CDC42SE2: variants seen among roughly 807,000 people sequenced by gnomAD.
CDC42SE2 encodes the protein CDC42 small effector 2.
CDC42SE2 carries 3 observed loss-of-function variants against 11.5 expected under a neutral mutation model. That is an observed-to-expected ratio of 0.26 (90% CI 0.12 to 0.67). The LOEUF is 0.67. Among genes scored for constraint, CDC42SE2 ranks in the 30% least tolerant of loss-of-function variants. The pLI is 0.80. For synonymous variants in CDC42SE2, 33 were observed against 34.8 expected (o/e 0.95, Z 0.18); for missense variants, 82 against 106.8 (o/e 0.77, Z 1.02).
chr5:131,215,957 A>G, the CDC42SE2 span, among the ~76,000 whole-genome samples: 1 of 152,236 alleles, frequency 6.6e-6, no homozygotes, highest in Admixed American at 6.5e-5. Flanking sequence ...TAAATGAGGG[A>G]AGCTGAAGTA....
intron 2 of CDC42SE2, among the ~76,000 whole-genome samples, chr5:131,344,993 C>A (rs907366634): frequency 1.3e-5 from 2 of 152,212 alleles, no homozygotes; most frequent in African/African-American, 4.8e-5. Context: ...AAAACCCCAT[C>A]TGTACGTCAC....
intron 2 of CDC42SE2, among the ~76,000 whole-genome samples, chr5:131,342,386 G>GTTTTTTTTTTTTTTTTT (rs1304028910): frequency 8.7e-6 from 1 of 114,850 alleles, no homozygotes; most frequent in African/African-American, 5.8e-5. Context: ...ATTTTTAATA[G>GTTTTTTTTTTTTTTTTT]TCTTTTTTTT....
chr5:131,279,859 G>C (rs1251864125), intron 1 of CDC42SE2, among the ~76,000 whole-genome samples: 4 of 152,178 alleles, frequency 2.6e-5, no homozygotes, highest in Non-Finnish European at 5.9e-5. Flanking sequence ...GATTGCTTGA[G>C]TACAGGAGTT....
upstream of CDC42SE2, among the ~76,000 whole-genome samples, chr5:131,242,212 T>C (rs1356213222): frequency 6.6e-6 from 1 of 152,208 alleles, no homozygotes; most frequent in East Asian, 1.9e-4. Flanking sequence ...GTAGTTGTCC[T>C]TTACCAAACC....
chr5:131,272,481 A>G (rs191925180), intron 1 of CDC42SE2, among the ~76,000 whole-genome samples: 1 of 152,094 alleles, frequency 6.6e-6, no homozygotes, highest in Non-Finnish European at 1.5e-5. Context: ...TAAAACTTTT[A>G]TACGTCTCCT....
At chr5:131,338,811 C>T (rs1224624455) in intron 2 of CDC42SE2, among the ~76,000 whole-genome samples, 1 of 152,154 alleles carries the variant, frequency 6.6e-6, no homozygotes, top group Non-Finnish European at 1.5e-5. Flanking sequence ...TATGTACCTA[C>T]ATACCAGTGT....
intron 3 of CDC42SE2, among the ~76,000 whole-genome samples, chr5:131,369,972 C>T (rs1749971060): frequency 6.6e-6 from 1 of 152,154 alleles, no homozygotes. Context: ...TCTAGTAACT[C>T]TTACAGAAAC....
intron 3 of CDC42SE2, among the ~76,000 whole-genome samples, chr5:131,362,965 G>C (rs1302490636): frequency 6.6e-6 from 1 of 151,952 alleles, no homozygotes; most frequent in East Asian, 1.9e-4. Flanking sequence ...TGAGCAACAT[G>C]GTGAAACCCT....
chr5:131,228,901 G>A, the CDC42SE2 span, among the ~76,000 whole-genome samples: 1 of 152,190 alleles, frequency 6.6e-6, no homozygotes, highest in African/African-American at 2.4e-5. Flanking sequence ...AACTAAATTG[G>A]CTAGAATCTT....
At chr5:131,257,054 A>T (rs1756684468) in intron 2 of CDC42SE2, among the ~76,000 whole-genome samples, 1 of 152,126 alleles carries the variant, frequency 6.6e-6, no homozygotes, top group African/African-American at 2.4e-5. Context: ...CATGTACACC[A>T]ACACAGTGAC....
chr5:131,323,211 A>G (rs1362582550), intron 2 of CDC42SE2, among the ~76,000 whole-genome samples: 1 of 149,904 alleles, frequency 6.7e-6, no homozygotes, highest in Admixed American at 6.7e-5. Context: ...TTTTTAGTAG[A>G]GACAGTGTCT....
chr5:131,247,156 T>C (rs913162726), intron 1 of CDC42SE2, among the ~76,000 whole-genome samples: 1 of 152,170 alleles, frequency 6.6e-6, no homozygotes, highest in African/African-American at 2.4e-5. Flanking sequence ...TTGAGACAAA[T>C]AGTATTTAGT....
rs536245796 is a variant in CDC42SE2, at chr5:131,384,114, C to A, written c.55-1429C>A. Among the ~76,000 whole-genome samples the A allele has an allele frequency of 5.3e-5, 8 of 152,262 alleles. No individual in the cohort carries two copies. The East Asian group carries it at 1.5e-3, about 29-fold the overall frequency. ...CCACGCAGAATTACTGGAAGGAAAA[C>A]CCAACAAACTTGGAGATGGTCTAAT... On this transcript the variant is annotated intron_variant, in intron 3 of 4. Coordinates refer to ENST00000505065, the MANE Select transcript of CDC42SE2 (RefSeq NM_001375635.1).
At chr5:131,326,030 G>A (rs763513684) in intron 2 of CDC42SE2, among the ~76,000 whole-genome samples, 3 of 151,974 alleles carry the variant, frequency 2.0e-5, no homozygotes, top group South Asian at 2.1e-4. Context: ...TACTGTTAAC[G>A]TCTGAGTATT....
the CDC42SE2 span, among the ~76,000 whole-genome samples, chr5:131,232,856 A>G: frequency 1.3e-5 from 2 of 151,150 alleles, no homozygotes; most frequent in Admixed American, 1.3e-4. Flanking sequence ...CCTAATTCCC[A>G]TCATCTTCCA....
At chr5:131,296,715 G>A (rs754005013) in intron 1 of CDC42SE2, among the ~76,000 whole-genome samples, 1 of 152,152 alleles carries the variant, frequency 6.6e-6, no homozygotes, top group Non-Finnish European at 1.5e-5. Flanking sequence ...TACTGGGGGG[G>A]TTAGGATTTC....
chr5:131,277,455 T>A (rs1757127146), intron 1 of CDC42SE2, among the ~76,000 whole-genome samples: 1 of 152,240 alleles, frequency 6.6e-6, no homozygotes. Flanking sequence ...ATTTATTCCA[T>A]TCAGTACATT....
intron 1 of CDC42SE2, among the ~76,000 whole-genome samples, chr5:131,283,759 C>T (rs1757288259): frequency 6.6e-6 from 1 of 152,142 alleles, no homozygotes; most frequent in Admixed American, 6.5e-5. Flanking sequence ...TGCCAAAGTG[C>T]TGGGATTACA....
chr5:131,381,089 T>G (rs1410213365), intron 3 of CDC42SE2, among the ~76,000 whole-genome samples: 2 of 152,210 alleles, frequency 1.3e-5, no homozygotes, highest in Non-Finnish European at 2.9e-5. Context: ...CTTTTTGGCC[T>G]TCTTTGATGG....
Sources: gnomAD v4.1 joint callset for allele counts (sites outside exome capture counted in the v4.1 genomes callset) on GRCh38, gnomAD v4.1.1 for gene constraint, MANE v1.5 for transcripts, NCBI Gene and HGNC (gene_info 2026-07-23, HGNC 2026-07-21) for gene names.